DAP: variants seen among roughly 807,000 people sequenced by gnomAD.
DAP encodes death associated protein, also known as death-associated protein 1.
A neutral mutation model predicts 13.8 loss-of-function variants in DAP; 8 were observed. That is an observed-to-expected ratio of 0.58 (90% CI 0.34 to 1.05). DAP has a LOEUF of 1.05. DAP is among the 50% of genes least tolerant of loss of function. DAP has a pLI of 0.03. For missense variants in DAP, 106 were observed against 133.2 expected (o/e 0.80, Z 1.01); for synonymous variants, 47 against 47.5 (o/e 0.99, Z 0.04).
At chr5:10,708,377 GACAT>G (rs1458552748) in intron 2 of DAP, among the ~76,000 whole-genome samples, 16 of 146,782 alleles carry the variant, frequency 1.1e-4, no homozygotes, top group Admixed American at 6.0e-4. Context: ...CACATGCACA[GACAT>G]ACATACACAC....
intron 2 of DAP, among the ~76,000 whole-genome samples, chr5:10,735,691 T>C (rs1466115244): frequency 6.6e-6 from 1 of 151,924 alleles, no homozygotes; most frequent in East Asian, 1.9e-4. Context: ...GTCAGGAAAA[T>C]GGGCTGCTGC....
chr5:10,724,943 G>A (rs1739247842), intron 2 of DAP, among the ~76,000 whole-genome samples: 1 of 152,196 alleles, frequency 6.6e-6, no homozygotes. Context: ...TTCTGCAGCT[G>A]TGTGCTGACT....
chr5:10,741,371 T>G (rs575107530), intron 2 of DAP, among the ~76,000 whole-genome samples: 1 of 152,070 alleles, frequency 6.6e-6, no homozygotes, highest in Admixed American at 6.5e-5. Context: ...GCAGGTGCGG[T>G]GGGGGGCTGT....
At chr5:10,693,192 T>C (rs967998735) in intron 2 of DAP, among the ~76,000 whole-genome samples, 7 of 151,962 alleles carry the variant, frequency 4.6e-5, no homozygotes, top group African/African-American at 1.7e-4. Context: ...TGGTCAAATC[T>C]CTGATCCCAC....
chr5:10,756,350 T>G (rs916885900), intron 1 of DAP, among the ~76,000 whole-genome samples: 1 of 91,692 alleles, frequency 1.1e-5, no homozygotes, highest in Non-Finnish European at 2.3e-5. Context: ...ACAGGGTTAA[T>G]AGAAGACAAA....
intron 2 of DAP, among the ~76,000 whole-genome samples, chr5:10,745,182 T>A (rs1739869667): frequency 6.6e-6 from 1 of 152,092 alleles, no homozygotes; most frequent in Admixed American, 6.5e-5. Flanking sequence ...AGTAAACTAT[T>A]ACACAGAGTA....
intron 2 of DAP, among the ~76,000 whole-genome samples, chr5:10,722,613 C>T (rs913355763): frequency 4.7e-4 from 69 of 147,454 alleles, no homozygotes; most frequent in African/African-American, 1.7e-3. Flanking sequence ...TACATATATA[C>T]ACATATATAC....
At chr5:10,749,635 G>A (rs1055485590) in intron 1 of DAP, among the ~76,000 whole-genome samples, 8 of 152,026 alleles carry the variant, frequency 5.3e-5, no homozygotes, top group Non-Finnish European at 8.8e-5. Context: ...AAATTAAATA[G>A]GTTTCCCCAA....
intron 2 of DAP, among the ~76,000 whole-genome samples, chr5:10,698,189 C>T (rs927689232): frequency 1.4e-5 from 2 of 142,958 alleles, no homozygotes; most frequent in African/African-American, 5.2e-5. Context: ...TCTGCAAATT[C>T]AACTGCTACC....
In DAP at chr5:10,739,058, C is replaced by T. The variant is rs532064347; in HGVS notation, c.152+9117G>A. On this transcript the variant is annotated intron_variant, in intron 2 of 3. Transcript: ENST00000230895. ...ACTACTAAAAATACAAAAAATTAGC[C>T]GAACGTGGTGGCATGTGCCTGTAGT... is the stretch of plus-strand genomic sequence containing the variant. 4.6e-5 allele frequency among the ~76,000 whole-genome samples: 7 copies of T among 151,848 alleles called. No individual in the cohort carries two copies. The East Asian group carries it at 5.8e-4, about 13-fold the overall frequency.
chr5:10,759,113 G>A (rs1430023790), intron 1 of DAP, among the ~76,000 whole-genome samples: 2 of 150,008 alleles, frequency 1.3e-5, no homozygotes, highest in Non-Finnish European at 3.0e-5. Context: ...CTTGAACCTA[G>A]AAGGCGGAGG....
chr5:10,717,994 A>T (rs1478189311), intron 2 of DAP, among the ~76,000 whole-genome samples: 1 of 152,180 alleles, frequency 6.6e-6, no homozygotes, highest in Non-Finnish European at 1.5e-5. Flanking sequence ...ACACACCCAG[A>T]ACCCCTTGAA....
intron 2 of DAP, among the ~76,000 whole-genome samples, chr5:10,715,510 C>T (rs1233716956): frequency 6.6e-6 from 1 of 152,196 alleles, no homozygotes; most frequent in African/African-American, 2.4e-5. Context: ...GCTTGAGAAA[C>T]GCAGGCAAAC....
At chr5:10,731,680 A>G (rs1383882778) in intron 2 of DAP, among the ~76,000 whole-genome samples, 1 of 152,228 alleles carries the variant, frequency 6.6e-6, no homozygotes, top group Non-Finnish European at 1.5e-5. Context: ...AGGCAATCTT[A>G]GCAATGTCTG....
Position 10,760,936 on chromosome 5 carries a change from G to T in DAP, c.55+78C>A, listed in dbSNP as rs535471661. The T allele has an allele frequency of 3.0e-3, 2,915 of 958,608 alleles. 63 individuals are homozygous for T. In the African/African-American group the frequency reaches 0.046, roughly 15 times the overall value. The allele number at this position is 958,608 out of a possible 1,614,324, so 59.4% of individuals were successfully genotyped here. ...CAGCGCTCGCCGGGGCCCTCCCCGC[G>T]GAGCCCCCGCCCGGCGCCCCCGGGT... On this transcript the variant is annotated intron_variant, in intron 1 of 3. Coordinates refer to ENST00000230895, the MANE Select transcript of DAP (RefSeq NM_004394.3).
At chr5:10,754,772 G>T (rs1286510120) in intron 1 of DAP, among the ~76,000 whole-genome samples, 1 of 152,204 alleles carries the variant, frequency 6.6e-6, no homozygotes, top group African/African-American at 2.4e-5. Flanking sequence ...CTGTCATTGG[G>T]AATTGGTTGA....
chr5:10,749,047 G>A (rs1015886058), intron 1 of DAP, among the ~76,000 whole-genome samples: 1 of 152,180 alleles, frequency 6.6e-6, no homozygotes, highest in Non-Finnish European at 1.5e-5. Flanking sequence ...TCGGACATGT[G>A]ATATAAGTGG....
At chr5:10,756,113 A>T (rs1740175626) in intron 1 of DAP, among the ~76,000 whole-genome samples, 1 of 91,594 alleles carries the variant, frequency 1.1e-5, no homozygotes, top group Non-Finnish European at 2.3e-5. Flanking sequence ...ACGCCACTGC[A>T]CTCAAGCCTG....
chr5:10,702,652 G>A (rs1049579961), intron 2 of DAP, among the ~76,000 whole-genome samples: 4 of 152,120 alleles, frequency 2.6e-5, no homozygotes, highest in African/African-American at 7.2e-5. Context: ...AGCTAGAGGC[G>A]GTAAGGAAAA....
Sources: allele counts gnomAD v4.1 joint callset (sites outside exome capture counted in the v4.1 genomes callset), GRCh38; gene constraint gnomAD v4.1.1; transcripts MANE v1.5; gene names NCBI Gene and HGNC (gene_info 2026-07-23, HGNC 2026-07-21).